The following SORCS2 variants were observed in gnomAD, a reference collection of about 807,000 sequenced individuals.
The protein encoded by SORCS2 is VPS10 domain-containing receptor SorCS2.
Under a neutral mutation model 141.6 loss-of-function variants are expected in SORCS2, and 100 were observed. The observed-to-expected ratio is 0.71, with a 90% CI of 0.60 to 0.83. The LOEUF (loss-of-function observed/expected upper bound fraction) is 0.83. Among genes scored for constraint, SORCS2 ranks in the 40% least tolerant of loss-of-function variants. The pLI is 0.00. For synonymous variants in SORCS2, 789 were observed against 676.9 expected (o/e 1.17, Z -2.57); for missense variants, 1,646 against 1,560.2 (o/e 1.05, Z -0.93).
chr4:7,466,009 T>C (rs189018123), intron 2 of SORCS2, among the ~76,000 whole-genome samples: 1 of 152,238 alleles, frequency 6.6e-6, no homozygotes, highest in African/African-American at 2.4e-5. Context: ...TTGATAGAAA[T>C]TTTTTATTAA....
intron 14 of SORCS2, among the ~76,000 whole-genome samples, chr4:7,707,811 G>T (rs937655443): frequency 6.6e-5 from 10 of 152,222 alleles, no homozygotes; most frequent in African/African-American, 2.4e-4. Context: ...GGAGACAGAC[G>T]CTCATGGGGA....
intron 3 of SORCS2, among the ~76,000 whole-genome samples, chr4:7,562,274 C>T (rs1386434243): frequency 2.0e-5 from 3 of 151,954 alleles, no homozygotes; most frequent in African/African-American, 4.8e-5. Flanking sequence ...AGAGGCTGCC[C>T]TGAGGAAGTG....
intron 1 of SORCS2, among the ~76,000 whole-genome samples, chr4:7,307,586 C>T (rs1717912781): frequency 1.3e-5 from 2 of 152,350 alleles, no homozygotes; most frequent in South Asian, 4.1e-4. Context: ...TCGAGCTTGG[C>T]AGCAATTCCT....
intron 3 of SORCS2, among the ~76,000 whole-genome samples, chr4:7,627,181 C>T (rs776326892): frequency 3.9e-5 from 6 of 152,096 alleles, no homozygotes; most frequent in East Asian, 1.9e-4. Context: ...GACAGGGTTT[C>T]GCCTTGTTGC....
chr4:7,376,205 G>T (rs1722640145), intron 1 of SORCS2, among the ~76,000 whole-genome samples: 1 of 151,886 alleles, frequency 6.6e-6, no homozygotes, highest in African/African-American at 2.4e-5. Flanking sequence ...CTCTTTTGTA[G>T]TACAATTTTT....
chr4:7,545,490 G>T (rs1157575836), intron 3 of SORCS2, among the ~76,000 whole-genome samples: 1 of 152,170 alleles, frequency 6.6e-6, no homozygotes, highest in Non-Finnish European at 1.5e-5. Flanking sequence ...GAGAGACAGG[G>T]ACCTGCCCAT....
chr4:7,733,621 C>T (rs1711891760), intron 24 of SORCS2, among the ~76,000 whole-genome samples, 200 bp downstream of exon 24: 2 of 152,224 alleles, frequency 1.3e-5, no homozygotes, highest in African/African-American at 4.8e-5. Context: ...GAGCACTGCT[C>T]TTACCTGATA....
At chr4:7,266,056 C>G (rs1014000755) in intron 1 of SORCS2, among the ~76,000 whole-genome samples, 1 of 152,220 alleles carries the variant, frequency 6.6e-6, no homozygotes, top group African/African-American at 2.4e-5. Flanking sequence ...CCACAAGACT[C>G]AGACCTGACC....
At chr4:7,246,301 C>T (rs1339387423) in intron 1 of SORCS2, among the ~76,000 whole-genome samples, 1 of 152,218 alleles carries the variant, frequency 6.6e-6, no homozygotes, top group Non-Finnish European at 1.5e-5. Flanking sequence ...CTTTGGCACT[C>T]TGACCAAACA....
At chr4:7,481,610 T>C (rs941476278) in intron 2 of SORCS2, among the ~76,000 whole-genome samples, 1 of 152,120 alleles carries the variant, frequency 6.6e-6, no homozygotes, top group Non-Finnish European at 1.5e-5. Flanking sequence ...CTGCTGAGGC[T>C]CTGCCTGTCC....
At chr4:7,224,943 A>G (rs1269506508) in intron 1 of SORCS2, among the ~76,000 whole-genome samples, 3 of 152,238 alleles carry the variant, frequency 2.0e-5, no homozygotes, top group Admixed American at 6.5e-5. Context: ...TGGTGTAAAC[A>G]GACCGGTCTT....
intron 12 of SORCS2, among the ~76,000 whole-genome samples, chr4:7,699,526 C>T (rs1724924323): frequency 6.6e-6 from 1 of 152,100 alleles, no homozygotes; most frequent in Admixed American, 6.5e-5. Context: ...GACTGTTGGG[C>T]TCTGGGAAGC....
intron 3 of SORCS2, among the ~76,000 whole-genome samples, chr4:7,628,448 G>A (rs1401690223): frequency 6.6e-6 from 1 of 151,160 alleles, no homozygotes; most frequent in Non-Finnish European, 1.5e-5. Context: ...GAACCCGGGA[G>A]ATGGAGCTTG....
At chr4:7,250,214 C>A (rs1026734663) in intron 1 of SORCS2, among the ~76,000 whole-genome samples, 2 of 151,382 alleles carry the variant, frequency 1.3e-5, no homozygotes, top group Non-Finnish European at 3.0e-5. Flanking sequence ...TGCCCTCCAG[C>A]CTGGGTGATT....
Position 7,433,315 on chromosome 4 carries a change from C to T in SORCS2, c.548+36960C>T, listed in dbSNP as rs908262123. The T allele has an allele frequency of 9.3e-6, 13 of 1,390,866 alleles. No homozygotes were observed. The African/African-American group carries it at 1.8e-4, about 19-fold the overall frequency. 86.2% of individuals were successfully genotyped at this position (1,390,866 alleles called of 1,614,324 possible). A position where few individuals can be genotyped will look rare whatever the true frequency, so the allele number is the denominator to read the frequency against. ...GCTCTGGGTCTCTGGCAGCCACGGT[C>T]ACGCGTGTTCCCCAGCGTGGAGGTG... On this transcript the variant is annotated intron_variant, in intron 2 of 26. Coordinates refer to ENST00000507866, the MANE Select transcript of SORCS2 (RefSeq NM_020777.3).
chr4:7,323,168 C>T (rs1719010717), intron 1 of SORCS2, among the ~76,000 whole-genome samples: 2 of 152,308 alleles, frequency 1.3e-5, no homozygotes, highest in East Asian at 1.9e-4. Flanking sequence ...TGTGTACTTA[C>T]ACTTCACTAA....
At chr4:7,335,927 G>C (rs145447093) in intron 1 of SORCS2, among the ~76,000 whole-genome samples, 59 of 152,360 alleles carry the variant, frequency 3.9e-4, no homozygotes, top group Non-Finnish European at 7.2e-4. Flanking sequence ...GCCAGGGTTA[G>C]GGCACAGACC....
chr4:7,625,864 C>T (rs928934253), intron 3 of SORCS2, among the ~76,000 whole-genome samples: 2 of 148,422 alleles, frequency 1.3e-5, no homozygotes, highest in South Asian at 2.1e-4. Flanking sequence ...ATAGGCTGGG[C>T]GCGGTGGCTC....
intron 3 of SORCS2, among the ~76,000 whole-genome samples, chr4:7,580,495 A>G (rs1716072723): frequency 6.6e-6 from 1 of 152,180 alleles, no homozygotes; most frequent in Non-Finnish European, 1.5e-5. Flanking sequence ...GAAAAAAAAA[A>G]AGGAAAAAGA....
Sources: allele counts gnomAD v4.1 joint callset (sites outside exome capture counted in the v4.1 genomes callset), GRCh38; gene constraint gnomAD v4.1.1; transcripts MANE v1.5; gene names NCBI Gene and HGNC (gene_info 2026-07-23, HGNC 2026-07-21).